ROBO1: variants seen among roughly 807,000 people sequenced by gnomAD.
The protein encoded by ROBO1 is roundabout homolog 1.
A neutral mutation model predicts 195.9 loss-of-function variants in ROBO1; 149 were observed. That is an observed-to-expected ratio of 0.76 (90% confidence interval 0.67 to 0.87). ROBO1 has a LOEUF of 0.87. Among genes scored for constraint, ROBO1 ranks in the 40% least tolerant of loss-of-function variants. The probability of loss-of-function intolerance (pLI) is 0.00; values close to 1 mark genes in which losing one functional copy is unlikely to be tolerated. For missense variants in ROBO1, 1,933 were observed against 2,068.3 expected (o/e 0.93, Z 1.27); for synonymous variants, 816 against 733.2 (o/e 1.11, Z -1.82).
intron 2 of ROBO1, among the ~76,000 whole-genome samples, chr3:79,328,550 A>G (rs1276733244): frequency 5.3e-5 from 8 of 152,184 alleles, no homozygotes; most frequent in African/African-American, 1.9e-4. Flanking sequence ...AAACCATAAT[A>G]CAATTTTATG....
At chr3:79,123,461 T>G (rs1260049132) in intron 3 of ROBO1, among the ~76,000 whole-genome samples, 3 of 152,054 alleles carry the variant, frequency 2.0e-5, no homozygotes, top group Non-Finnish European at 4.4e-5. Flanking sequence ...GTCAACATTA[T>G]TTTTTCTACT....
intron 2 of ROBO1, among the ~76,000 whole-genome samples, chr3:79,349,575 C>A (rs2035262173): frequency 6.6e-6 from 1 of 152,146 alleles, no homozygotes; most frequent in Non-Finnish European, 1.5e-5. Flanking sequence ...AAGCTTACCT[C>A]CAAAGCAACA....
chr3:78,667,189 A>G (rs1021664823), intron 14 of ROBO1, among the ~76,000 whole-genome samples: 1 of 152,180 alleles, frequency 6.6e-6, no homozygotes. Flanking sequence ...AAATACAATT[A>G]TAATATGATT....
intron 2 of ROBO1, among the ~76,000 whole-genome samples, chr3:79,573,676 A>C (rs1278408869): frequency 2.0e-5 from 3 of 152,144 alleles, no homozygotes; most frequent in African/African-American, 7.2e-5. Context: ...AACACATTCA[A>C]TTAGGGGTAG....
intron 3 of ROBO1, among the ~76,000 whole-genome samples, chr3:78,968,393 T>G (rs2076693309): frequency 6.6e-6 from 1 of 150,620 alleles, no homozygotes; most frequent in Non-Finnish European, 1.5e-5. Context: ...TCCTCCCGAA[T>G]AGCTGGGATT....
chr3:79,691,620 G>A (rs115306957), intron 1 of ROBO1, among the ~76,000 whole-genome samples: 1,752 of 151,760 alleles, frequency 0.012, 20 homozygotes, highest in Non-Finnish European at 0.018. Context: ...TCTTAAGACC[G>A]ACTGTGCATC....
intron 2 of ROBO1, among the ~76,000 whole-genome samples, chr3:79,350,583 T>A (rs2109262942): frequency 6.6e-6 from 1 of 152,298 alleles, no homozygotes; most frequent in Non-Finnish European, 1.5e-5. Context: ...ATGTGGTATA[T>A]CTTTATAATG....
intron 2 of ROBO1, among the ~76,000 whole-genome samples, chr3:79,281,491 A>G (rs546284568): frequency 1.7e-4 from 26 of 152,250 alleles, no homozygotes; most frequent in African/African-American, 4.8e-4. Flanking sequence ...TGACTGTGAA[A>G]AATGTTAAGC....
At chr3:78,978,442 G>A (rs946015929) in intron 3 of ROBO1, among the ~76,000 whole-genome samples, 2 of 152,036 alleles carry the variant, frequency 1.3e-5, no homozygotes, top group Non-Finnish European at 1.5e-5. Context: ...TAATACTAAT[G>A]GCGACAGGCA....
chr3:78,937,664 A>G (rs996128138), intron 4 of ROBO1, among the ~76,000 whole-genome samples: 20 of 152,164 alleles, frequency 1.3e-4, no homozygotes, highest in African/African-American at 4.8e-4. Flanking sequence ...TTAGTCAATA[A>G]ATCCTTCTTG....
intron 5 of ROBO1, among the ~76,000 whole-genome samples, chr3:78,727,275 T>C (rs1029560935): frequency 5.3e-5 from 8 of 152,118 alleles, no homozygotes; most frequent in African/African-American, 1.9e-4. Context: ...GTATTTCTTA[T>C]TTTATAATAT....
intron 4 of ROBO1, among the ~76,000 whole-genome samples, chr3:78,816,606 C>T (rs2029947470): frequency 2.0e-5 from 3 of 152,140 alleles, no homozygotes; most frequent in Admixed American, 6.5e-5. Flanking sequence ...CATTTTGTGA[C>T]TCATGGGAGG....
intron 4 of ROBO1, among the ~76,000 whole-genome samples, chr3:78,859,919 A>C (rs896292219): frequency 2.6e-4 from 39 of 152,252 alleles, no homozygotes; most frequent in African/African-American, 9.4e-4. Flanking sequence ...CTCTACTAAA[A>C]ATACAAAAAA....
At chr3:79,229,473 A>G (rs773282738) in intron 2 of ROBO1, among the ~76,000 whole-genome samples, 1 of 152,058 alleles carries the variant, frequency 6.6e-6, no homozygotes, top group Non-Finnish European at 1.5e-5. Context: ...CAGAGATGGG[A>G]TCTTGCTCCA....
At chr3:79,757,306 T>C (rs1704458462) in intron 1 of ROBO1, among the ~76,000 whole-genome samples, 1 of 152,196 alleles carries the variant, frequency 6.6e-6, no homozygotes, top group African/African-American at 2.4e-5. Flanking sequence ...GTTTGAAGTC[T>C]TAATTAATTC....
chr3:78,955,396 T>C (rs1411800568), intron 3 of ROBO1, among the ~76,000 whole-genome samples: 1 of 152,062 alleles, frequency 6.6e-6, no homozygotes, highest in Non-Finnish European at 1.5e-5. Flanking sequence ...CCAGTGTCTG[T>C]GGTTCCCCTC....
chr3:78,863,093 A>G (rs2034950933), intron 4 of ROBO1, among the ~76,000 whole-genome samples: 1 of 152,222 alleles, frequency 6.6e-6, no homozygotes, highest in South Asian at 2.1e-4. Context: ...ATTATTGAGT[A>G]CTTACTCTGA....
intron 2 of ROBO1, among the ~76,000 whole-genome samples, chr3:79,461,225 A>G (rs911639361): frequency 2.0e-5 from 3 of 152,068 alleles, no homozygotes; most frequent in Non-Finnish European, 4.4e-5. Context: ...ACACTCTAAG[A>G]GAAGAAGGGG....
intron 2 of ROBO1, among the ~76,000 whole-genome samples, chr3:79,242,812 G>A (rs901984748): frequency 2.6e-5 from 4 of 152,022 alleles, no homozygotes; most frequent in Non-Finnish European, 1.5e-5. Flanking sequence ...TGATGTCCCA[G>A]CCACTTAACC....
Sources: allele counts gnomAD v4.1 joint callset (sites outside exome capture counted in the v4.1 genomes callset), GRCh38; gene constraint gnomAD v4.1.1; transcripts MANE v1.5; gene names NCBI Gene and HGNC (gene_info 2026-07-23, HGNC 2026-07-21).